Variants in TTC7B observed in about 807,000 individuals in gnomAD.
The protein encoded by TTC7B is tetratricopeptide repeat domain 7B.
Under a neutral mutation model 106.8 loss-of-function variants are expected in TTC7B, and 28 were observed. That is an observed-to-expected ratio of 0.26 (90% CI 0.19 to 0.36). TTC7B has a LOEUF of 0.36. Ranked by LOEUF, TTC7B falls within the 10% of genes least tolerant of loss-of-function variation. The probability of loss-of-function intolerance (pLI) is 1.00; values close to 1 mark genes in which losing one functional copy is unlikely to be tolerated. For synonymous variants in TTC7B, 405 were observed against 430.6 expected (o/e 0.94, Z 0.74); for missense variants, 862 against 1,076.4 (o/e 0.80, Z 2.79).
intron 9 of TTC7B, among the ~76,000 whole-genome samples, chr14:90,670,007 G>T (rs999706125): frequency 6.6e-6 from 1 of 152,236 alleles, no homozygotes; most frequent in Non-Finnish European, 1.5e-5. Context: ...GTTGGCTGGG[G>T]ACAGGAGAAG....
intron 3 of TTC7B, among the ~76,000 whole-genome samples, chr14:90,775,266 A>G (rs1405478842): frequency 1.3e-5 from 2 of 152,134 alleles, no homozygotes; most frequent in Admixed American, 6.5e-5. Context: ...AATAAAAATA[A>G]CACATTTGTT....
At chr14:90,812,373 A>G (rs932762296) in intron 1 of TTC7B, among the ~76,000 whole-genome samples, 1 of 152,186 alleles carries the variant, frequency 6.6e-6, no homozygotes, top group Non-Finnish European at 1.5e-5. Flanking sequence ...GTGAGCCCAC[A>G]TGAAGCTGAT....
At chr14:90,700,366 T>A (rs1042766110) in intron 5 of TTC7B, among the ~76,000 whole-genome samples, 2 of 152,276 alleles carry the variant, frequency 1.3e-5, no homozygotes, top group African/African-American at 4.8e-5. Context: ...AGATAGCACT[T>A]TATACCTTTC....
At chr14:90,686,281 C>T (rs1446815717) in intron 7 of TTC7B, among the ~76,000 whole-genome samples, 1 of 152,056 alleles carries the variant, frequency 6.6e-6, no homozygotes, top group Non-Finnish European at 1.5e-5. Flanking sequence ...ATTCAACACC[C>T]ATTAATAATA....
intron 3 of TTC7B, among the ~76,000 whole-genome samples, chr14:90,771,011 A>C (rs1160677396): frequency 1.3e-5 from 2 of 152,160 alleles, no homozygotes; most frequent in African/African-American, 4.8e-5. Context: ...TCAGACAGAC[A>C]GAAAGTAGAA....
intron 3 of TTC7B, among the ~76,000 whole-genome samples, chr14:90,751,365 C>T (rs190582217): frequency 1.4e-4 from 22 of 152,300 alleles, no homozygotes; most frequent in African/African-American, 4.1e-4. Context: ...AAACTCACTT[C>T]TGAAATGCCC....
At chr14:90,792,557 G>A (rs1006037582) in intron 1 of TTC7B, among the ~76,000 whole-genome samples, 1 of 152,070 alleles carries the variant, frequency 6.6e-6, no homozygotes, top group Non-Finnish European at 1.5e-5. Flanking sequence ...AGCCTGGGCA[G>A]CAGAGCAAGA....
chr14:90,639,875 A>C (rs1453869518), intron 15 of TTC7B, among the ~76,000 whole-genome samples: 25 of 152,230 alleles, frequency 1.6e-4, no homozygotes, highest in Admixed American at 1.6e-3. Flanking sequence ...AACAAGGAGG[A>C]GCCTCAGGAA....
intron 1 of TTC7B, among the ~76,000 whole-genome samples, chr14:90,811,423 C>T (rs757505625): frequency 6.6e-6 from 1 of 152,160 alleles, no homozygotes; most frequent in Non-Finnish European, 1.5e-5. Flanking sequence ...TCAGTTAAAC[C>T]TCAGTCCTGT....
chr14:90,589,216 C>T (rs904809019), intron 18 of TTC7B, among the ~76,000 whole-genome samples: 3 of 152,188 alleles, frequency 2.0e-5, no homozygotes, highest in Non-Finnish European at 4.4e-5. Context: ...CACACCCCTT[C>T]ATCCATCACT....
At chr14:90,814,686 T>G (rs1237650198) in intron 1 of TTC7B, among the ~76,000 whole-genome samples, 1 of 152,138 alleles carries the variant, frequency 6.6e-6, no homozygotes, top group African/African-American at 2.4e-5. Context: ...CCCAGGACTG[T>G]GCAACTCCGA....
intron 18 of TTC7B, among the ~76,000 whole-genome samples, chr14:90,579,868 C>T (rs138478841): frequency 6.6e-6 from 1 of 152,238 alleles, no homozygotes; most frequent in Non-Finnish European, 1.5e-5. Flanking sequence ...TCTTTGTGCA[C>T]CTTACCCTGT....
rs545194146 is a variant in TTC7B, at chr14:90,797,108, G to A, written c.122-10780C>T. Among the ~76,000 whole-genome samples, 264 of 149,134 alleles carry A rather than the reference G, an allele frequency of 1.8e-3. 2 individuals carry two copies. Among genetic ancestry groups the A allele is most frequent in the African/African-American group, 6.3e-3 (259 of 41,232 alleles). On this transcript the variant is annotated intron_variant, in intron 1 of 19. Transcript: ENST00000328459. ...GATCTGCCCGCCTTGGCCTCCCAAAGTGCTGGGATTACAGGCACAAGCCAA... is the reference window on the plus strand; with the variant it reads ...GATCTGCCCGCCTTGGCCTCCCAAAATGCTGGGATTACAGGCACAAGCCAA...
intron 5 of TTC7B, among the ~76,000 whole-genome samples, chr14:90,708,334 C>T (rs1003720891): frequency 6.6e-6 from 1 of 152,140 alleles, no homozygotes; most frequent in Non-Finnish European, 1.5e-5. Flanking sequence ...TTCGTAGCTA[C>T]AGAGAAGTCA....
chr14:90,672,235 TGA>T (rs1295651400), intron 9 of TTC7B, among the ~76,000 whole-genome samples: 1 of 152,240 alleles, frequency 6.6e-6, no homozygotes, highest in South Asian at 2.1e-4. Context: ...CACAATTGAC[TGA>T]TGGTTTTATG....
intron 13 of TTC7B, chr14:90,647,363 G>A (rs1474177714): frequency 4.6e-6 from 1 of 217,862 alleles, no homozygotes; most frequent in Non-Finnish European, 9.4e-6. Flanking sequence ...GTGTCGTGCT[G>A]GGACGCAGTG....
chr14:90,640,472 C>A (rs1011865511), intron 15 of TTC7B, among the ~76,000 whole-genome samples: 3 of 151,036 alleles, frequency 2.0e-5, no homozygotes, highest in Non-Finnish European at 4.4e-5. Context: ...GTTTAAGATA[C>A]GTGTAAGTAT....
At chr14:90,593,846 C>A (rs1176544340) in intron 17 of TTC7B, 2 of 419,956 alleles carry the variant, frequency 4.8e-6, no homozygotes, top group East Asian at 3.7e-5. Flanking sequence ...GAGCACATGC[C>A]CCCTCCAGGA....
chr14:90,611,881 G>A (rs913230187), intron 16 of TTC7B, among the ~76,000 whole-genome samples: 4 of 152,128 alleles, frequency 2.6e-5, no homozygotes, highest in Admixed American at 1.3e-4. Flanking sequence ...AAAGAACCAC[G>A]TCTGTCTCTT....
Sources: gnomAD v4.1 joint callset for allele counts (sites outside exome capture counted in the v4.1 genomes callset) on GRCh38, gnomAD v4.1.1 for gene constraint, MANE v1.5 for transcripts, NCBI Gene and HGNC (gene_info 2026-07-23, HGNC 2026-07-21) for gene names.